The following KIAA1328 variants were observed in gnomAD, a reference collection of about 807,000 sequenced individuals.
KIAA1328 encodes KIAA1328.
In KIAA1328, 52 loss-of-function variants were observed where a neutral mutation model predicts 68.1. The observed-to-expected ratio is 0.76, with a 90% CI of 0.61 to 0.96. The LOEUF is 0.96. KIAA1328 is among the 40% of genes least tolerant of loss of function. KIAA1328 has a pLI of 0.00. For synonymous variants in KIAA1328, 232 were observed against 239.4 expected (o/e 0.97, Z 0.28); for missense variants, 641 against 677.6 (o/e 0.95, Z 0.60).
chr18:37,005,019 G>A (rs1367412186), intron 6 of KIAA1328, among the ~76,000 whole-genome samples: 3 of 152,030 alleles, frequency 2.0e-5, no homozygotes, highest in African/African-American at 7.2e-5. Context: ...AATATTGTAT[G>A]TTCTTACTTA....
intron 5 of KIAA1328, among the ~76,000 whole-genome samples, chr18:36,935,269 G>A (rs1016992916): frequency 1.3e-5 from 2 of 152,204 alleles, no homozygotes; most frequent in South Asian, 2.1e-4. Context: ...AGAATCTTTT[G>A]AGTAGAAATC....
At chr18:36,983,313 A>G (rs2052771174) in intron 6 of KIAA1328, among the ~76,000 whole-genome samples, 1 of 152,084 alleles carries the variant, frequency 6.6e-6, no homozygotes, top group Admixed American at 6.6e-5. Flanking sequence ...AACTGTATGA[A>G]CATAGAACAA....
At chr18:36,911,949 C>T (rs555856201) in intron 5 of KIAA1328, among the ~76,000 whole-genome samples, 1 of 152,110 alleles carries the variant, frequency 6.6e-6, no homozygotes, top group South Asian at 2.1e-4. Context: ...ATAGGAAAAT[C>T]TAAGCAATTT....
intron 6 of KIAA1328, among the ~76,000 whole-genome samples, chr18:37,023,781 GTATT>G (rs199968737): frequency 2.6e-5 from 4 of 151,866 alleles, no homozygotes; most frequent in Non-Finnish European, 5.9e-5. Flanking sequence ...AACATCATCT[GTATT>G]TATTTATTTA....
chr18:36,931,083 C>T (rs2050292111), intron 5 of KIAA1328, among the ~76,000 whole-genome samples: 1 of 152,030 alleles, frequency 6.6e-6, no homozygotes, highest in African/African-American at 2.4e-5. Flanking sequence ...CTAGGACTGT[C>T]ACTGTGGATT....
intron 5 of KIAA1328, among the ~76,000 whole-genome samples, chr18:36,952,419 A>T (rs894771079): frequency 5.3e-5 from 8 of 151,882 alleles, no homozygotes; most frequent in African/African-American, 1.5e-4. Flanking sequence ...TTTTTTTTTA[A>T]AAAATGTATT....
chr18:37,132,738 A>C (rs190512003), intron 7 of KIAA1328, among the ~76,000 whole-genome samples: 12 of 152,324 alleles, frequency 7.9e-5, no homozygotes, highest in Admixed American at 7.2e-4. Flanking sequence ...AAGGGCTGGA[A>C]GATTTCTTAC....
At chr18:36,882,202 CAG>C (rs1186987624) in intron 4 of KIAA1328, among the ~76,000 whole-genome samples, 2 of 152,156 alleles carry the variant, frequency 1.3e-5, no homozygotes, top group African/African-American at 4.8e-5. Flanking sequence ...CATCAGGTAA[CAG>C]AAACCATAGA....
At chr18:36,830,720 A>G (rs1339422052) in intron 1 of KIAA1328, among the ~76,000 whole-genome samples, 1 of 152,200 alleles carries the variant, frequency 6.6e-6, no homozygotes, top group African/African-American at 2.4e-5. Context: ...TGTAGAAGTC[A>G]TATATACTCC....
At chr18:37,020,643 C>T (rs2054312478) in intron 6 of KIAA1328, among the ~76,000 whole-genome samples, 1 of 152,126 alleles carries the variant, frequency 6.6e-6, no homozygotes, top group South Asian at 2.1e-4. Flanking sequence ...TATGTAGAAT[C>T]AGTGGCAAAT....
intron 4 of KIAA1328, among the ~76,000 whole-genome samples, chr18:36,850,354 T>A (rs1349424131): frequency 6.6e-6 from 1 of 152,048 alleles, no homozygotes; most frequent in African/African-American, 2.4e-5. Context: ...TTTACTGAAT[T>A]TGTTAATAAG....
intron 7 of KIAA1328, among the ~76,000 whole-genome samples, chr18:37,078,086 A>C (rs2056811282): frequency 6.6e-6 from 1 of 152,252 alleles, no homozygotes; most frequent in African/African-American, 2.4e-5. Context: ...GTATACTACA[A>C]GGCTGCAGTA....
intron 6 of KIAA1328, among the ~76,000 whole-genome samples, chr18:37,016,946 A>G (rs557312181): frequency 1.3e-5 from 2 of 151,900 alleles, no homozygotes; most frequent in South Asian, 4.1e-4. Context: ...CTTTGTATGG[A>G]TTTTTGGGCC....
chr18:37,208,322 T>C (rs1027793926), intron 9 of KIAA1328, among the ~76,000 whole-genome samples: 2 of 152,126 alleles, frequency 1.3e-5, no homozygotes, highest in Non-Finnish European at 2.9e-5. Context: ...TCAGAAGAGA[T>C]GTAGTTTTAA....
rs556756101 is a variant in KIAA1328 at position 37,023,768 on chromosome 18, T to C, written c.577-43122T>C. Among the ~76,000 whole-genome samples the C allele has an allele frequency of 4.4e-4, 67 of 152,186 alleles. 1 individual carries two copies. Among genetic ancestry groups the C allele is most frequent in the African/African-American group, 1.6e-3 (67 of 41,468 alleles). Reference sequence around the variant, plus strand: ...TCTCTGCAGTGTCCCCCCATGACAGTTGAACATCATCTGTATTTATTTATT... The same window carrying C: ...TCTCTGCAGTGTCCCCCCATGACAGCTGAACATCATCTGTATTTATTTATT... On this transcript the variant is annotated intron_variant, in intron 6 of 9. Coordinates refer to ENST00000280020, the MANE Select transcript of KIAA1328 (RefSeq NM_020776.3).
chr18:36,914,614 G>A (rs2049608570), intron 5 of KIAA1328, among the ~76,000 whole-genome samples: 1 of 152,040 alleles, frequency 6.6e-6, no homozygotes, highest in Non-Finnish European at 1.5e-5. Context: ...CAGCTACTTG[G>A]GAGGCTGAGG....
intron 7 of KIAA1328, chr18:37,075,196 G>T (rs1477372033): frequency 1.1e-4 from 17 of 151,702 alleles, no homozygotes; most frequent in African/African-American, 3.6e-4. Context: ...TTAAAGAAAA[G>T]AATTTTCAAC....
intron 6 of KIAA1328, among the ~76,000 whole-genome samples, chr18:36,974,644 T>C (rs1213698165): frequency 2.0e-5 from 3 of 152,226 alleles, no homozygotes; most frequent in Non-Finnish European, 2.9e-5. Context: ...TTATTTCTTT[T>C]CCTTTGGGTA....
At chr18:36,923,527 T>C (rs1208508325) in intron 5 of KIAA1328, among the ~76,000 whole-genome samples, 1 of 152,188 alleles carries the variant, frequency 6.6e-6, no homozygotes. Flanking sequence ...TTTATACATA[T>C]AAGCTTTACA....
Sources: allele counts gnomAD v4.1 joint callset (sites outside exome capture counted in the v4.1 genomes callset), GRCh38; gene constraint gnomAD v4.1.1; transcripts MANE v1.5; gene names NCBI Gene and HGNC (gene_info 2026-07-23, HGNC 2026-07-21).